The following CPQ variants were observed in gnomAD, a reference collection of about 807,000 sequenced individuals.
CPQ encodes the protein Ser-Met dipeptidase.
Under a neutral mutation model 45.7 loss-of-function variants are expected in CPQ, and 37 were observed. That is an observed-to-expected ratio of 0.81 (90% CI 0.62 to 1.07). The LOEUF (loss-of-function observed/expected upper bound fraction) is 1.07. Ranked by LOEUF, CPQ falls within the 50% of genes least tolerant of loss-of-function variation. The pLI, the probability that CPQ is intolerant of heterozygous loss-of-function variation, is 0.00. For synonymous variants in CPQ, 186 were observed against 205.8 expected (o/e 0.90, Z 0.82); for missense variants, 537 against 572.9 (o/e 0.94, Z 0.64).
chr8:96,781,229 T>A (rs1810681714), intron 1 of CPQ, among the ~76,000 whole-genome samples: 2 of 152,212 alleles, frequency 1.3e-5, no homozygotes. Context: ...TAGTCTATTT[T>A]GTGCTGCTAT....
At chr8:96,764,188 G>T (rs925255743) in intron 1 of CPQ, among the ~76,000 whole-genome samples, 7 of 152,102 alleles carry the variant, frequency 4.6e-5, no homozygotes, top group Non-Finnish European at 1.0e-4. Flanking sequence ...ATATTATTCA[G>T]CAATAAAAAA....
At chr8:96,836,018 T>C (rs1811524962) in intron 3 of CPQ, among the ~76,000 whole-genome samples, 1 of 152,216 alleles carries the variant, frequency 6.6e-6, no homozygotes, top group South Asian at 2.1e-4. Flanking sequence ...ATAGCTATTA[T>C]GGCAGTGTCA....
intron 1 of CPQ, among the ~76,000 whole-genome samples, chr8:96,742,662 G>A (rs1194082917): frequency 6.6e-6 from 1 of 151,960 alleles, no homozygotes; most frequent in East Asian, 1.9e-4. Flanking sequence ...CTCTTTTAGG[G>A]CAGGCCTGGT....
At chr8:96,951,459 G>C (rs1813264343) in intron 4 of CPQ, among the ~76,000 whole-genome samples, 1 of 152,028 alleles carries the variant, frequency 6.6e-6, no homozygotes, top group African/African-American at 2.4e-5. Context: ...GGTGCATTTT[G>C]GGAAGCTTCA....
At chr8:96,838,563 G>C (rs1349301200) in intron 3 of CPQ, among the ~76,000 whole-genome samples, 1 of 151,996 alleles carries the variant, frequency 6.6e-6, no homozygotes, top group Non-Finnish European at 1.5e-5. Flanking sequence ...TTATGTCCAG[G>C]GTGAAAGGAA....
chr8:96,842,123 A>G (rs1364702264), intron 3 of CPQ, among the ~76,000 whole-genome samples: 3 of 152,160 alleles, frequency 2.0e-5, no homozygotes, highest in African/African-American at 7.2e-5. Flanking sequence ...TAAGAGGTCT[A>G]TTTTGGATGA....
intron 4 of CPQ, among the ~76,000 whole-genome samples, chr8:96,939,438 C>A (rs1813096756): frequency 6.6e-6 from 1 of 152,148 alleles, no homozygotes; most frequent in Admixed American, 6.5e-5. Flanking sequence ...TTCCTGTGTC[C>A]CCTCACCCCG....
intron 4 of CPQ, among the ~76,000 whole-genome samples, chr8:96,899,621 G>A (rs769281355): frequency 2.6e-5 from 4 of 151,940 alleles, no homozygotes; most frequent in Admixed American, 6.6e-5. Context: ...GGGAGGAGAG[G>A]TGCCACACAC....
At chr8:96,670,261 G>A (rs1808983494) in intron 1 of CPQ, among the ~76,000 whole-genome samples, 1 of 150,740 alleles carries the variant, frequency 6.6e-6, no homozygotes, top group Non-Finnish European at 1.5e-5. Flanking sequence ...AGAAGGCAAA[G>A]TATTTACTTG....
chr8:96,722,252 ACT>A (rs1443996714), intron 1 of CPQ, among the ~76,000 whole-genome samples: 6 of 152,074 alleles, frequency 3.9e-5, no homozygotes, highest in African/African-American at 1.4e-4. Context: ...ATATAGGATA[ACT>A]CTTGTGGGTT....
intron 5 of CPQ, among the ~76,000 whole-genome samples, chr8:97,006,934 T>C (rs1809395293): frequency 6.6e-6 from 1 of 152,214 alleles, no homozygotes; most frequent in African/African-American, 2.4e-5. Context: ...GAGATTCTTT[T>C]TTGGTTTGGC....
intron 5 of CPQ, among the ~76,000 whole-genome samples, chr8:97,012,650 G>A (rs1284947713): frequency 6.6e-6 from 1 of 152,066 alleles, no homozygotes; most frequent in Non-Finnish European, 1.5e-5. Flanking sequence ...ATTCCCCTGA[G>A]GTTTTAAGTA....
At position 96,880,965 on chromosome 8, in the gene CPQ, T is replaced by G. The variant is rs111719212; in HGVS notation, c.849+960T>G. On this transcript the variant is annotated intron_variant, in intron 4 of 7. Transcript: ENST00000220763. ...CACATTGACTGAAGAAGGGCAGGAG[T>G]AATTGAAGGACAGAATGGTATTCGT... Among the ~76,000 whole-genome samples the G allele has an allele frequency of 7.9e-3, 1,198 of 151,208 alleles. 11 individuals carry two copies. The highest frequency in any genetic ancestry group is 0.027 in the African/African-American group (1,119 of 41,196).
At chr8:96,786,539 T>A (rs192713095) in intron 2 of CPQ, among the ~76,000 whole-genome samples, 2 of 152,326 alleles carry the variant, frequency 1.3e-5, no homozygotes, top group Non-Finnish European at 2.9e-5. Flanking sequence ...CTTGGGCATA[T>A]ACCAAGAAGT....
In CPQ at chr8:96,785,085, C is replaced by A; in HGVS notation, c.188C>A (p.Ser63Tyr). The stretch of plus-strand genomic sequence containing the variant: ...GTTTATGGTAAAGCCCAGAACAGAT[C>A]CTATGAGCGATTGGCACTTCTGGTT... ...LAVYGKAQNR[S>Y]YERLALLVDT... The change falls in exon 2 of 8, where the codon TCC (serine) becomes TAC (tyrosine). Residue 63 changes from serine to tyrosine, a missense_variant. Ser to Tyr is a moderately radical substitution (Grantham distance 144, BLOSUM62 -2). Transcript: ENST00000220763. The A allele has an allele frequency of 6.2e-7, 1 of 1,613,758 alleles. No homozygotes were observed.
At chr8:96,740,439 T>C (rs1329511919) in intron 1 of CPQ, among the ~76,000 whole-genome samples, 2 of 151,968 alleles carry the variant, frequency 1.3e-5, no homozygotes, top group Non-Finnish European at 2.9e-5. Flanking sequence ...CTTTTCCTAA[T>C]TGAATACCCT....
At chr8:96,924,706 G>T (rs1395636095) in intron 4 of CPQ, among the ~76,000 whole-genome samples, 3 of 152,100 alleles carry the variant, frequency 2.0e-5, no homozygotes, top group Non-Finnish European at 2.9e-5. Context: ...AGAGGAGATG[G>T]ATTTAAACCA....
intron 7 of CPQ, among the ~76,000 whole-genome samples, chr8:97,132,544 C>G (rs1811974803): frequency 6.6e-6 from 1 of 152,186 alleles, no homozygotes; most frequent in African/African-American, 2.4e-5. Context: ...AACCTGACTT[C>G]CACTGCACTG....
chr8:96,759,245 G>A lies in CPQ; in HGVS notation c.-34-25619G>A, dbSNP rs190855014. Among the ~76,000 whole-genome samples, 12 of 152,160 alleles carry A rather than the reference G, an allele frequency of 7.9e-5. No homozygotes were observed. The East Asian group carries it at 1.9e-3, about 25-fold the overall frequency. On this transcript the variant is annotated intron_variant, in intron 1 of 7. Coordinates refer to ENST00000220763, the MANE Select transcript of CPQ (RefSeq NM_016134.4). ...CCTACCTTTCATCTGCTTTCAGGAG[G>A]CTCAAATTGTTTTCTTGTTTCCTTC...
Sources: gnomAD v4.1 joint callset for allele counts (sites outside exome capture counted in the v4.1 genomes callset) on GRCh38, gnomAD v4.1.1 for gene constraint, MANE v1.5 for transcripts, NCBI Gene and HGNC (gene_info 2026-07-23, HGNC 2026-07-21) for gene names.